KCTD10: variants seen among roughly 807,000 people sequenced by gnomAD.
KCTD10 encodes the protein BTB/POZ domain-containing adapter for CUL3-mediated RhoA degradation protein 3.
KCTD10 carries 13 observed loss-of-function variants against 34.6 expected under a neutral mutation model. That is an observed-to-expected ratio of 0.38 (90% CI 0.24 to 0.60). The LOEUF is 0.60. Ranked by LOEUF, KCTD10 falls within the 20% of genes least tolerant of loss-of-function variation. KCTD10 has a pLI of 0.66. For synonymous variants in KCTD10, 156 were observed against 168.8 expected (o/e 0.92, Z 0.59); for missense variants, 256 against 420.3 (o/e 0.61, Z 3.42).
intron 2 of KCTD10, among the ~76,000 whole-genome samples, chr12:109,463,143 C>G (rs1015305846): frequency 6.6e-6 from 1 of 152,148 alleles, no homozygotes. Flanking sequence ...TAGAATTCAA[C>G]TCAGCTGCGC....
Position 109,458,009 on chromosome 12 carries a change from T to C in KCTD10, c.457A>G (p.Ile153Val). The C allele has an allele frequency of 6.2e-7, 1 of 1,613,942 alleles. No homozygotes were observed. Among genetic ancestry groups the C allele is most frequent in the Non-Finnish European group, 8.5e-7 (1 of 1,179,752 alleles). The part of the protein sequence containing the change: ...ITSSKEEQKL[I>V]ATSNKPAVKL... Reference sequence around the variant, plus strand: ...CAACATACCTTATTTGAAGTCGCTATAAGTTTTTGTTCTTCCTTGGATGAG... The same window carrying C: ...CAACATACCTTATTTGAAGTCGCTACAAGTTTTTGTTCTTCCTTGGATGAG... Residue 153 changes from isoleucine to valine, a missense_variant, in exon 4 of 7, where the codon ATA becomes GTA. By Grantham distance (29) the Ile-to-Val change is conservative (BLOSUM62 3). Transcript: ENST00000228495.
At chr12:109,461,204 T>C (rs192116018) in intron 2 of KCTD10, among the ~76,000 whole-genome samples, 4 of 152,298 alleles carry the variant, frequency 2.6e-5, no homozygotes, top group Admixed American at 2.0e-4. Context: ...GTAAAAAATA[T>C]CTACTTCCTC....
At chr12:109,464,981 T>C (rs577730673) in intron 2 of KCTD10, 99 of 376,568 alleles carry the variant, frequency 2.6e-4, no homozygotes, top group Non-Finnish European at 4.4e-4. Flanking sequence ...CTTAAAGCCA[T>C]AGCCCTTGAG....
intron 6 of KCTD10, among the ~76,000 whole-genome samples, chr12:109,452,610 C>T (rs1872828211): frequency 1.3e-5 from 2 of 152,236 alleles, no homozygotes; most frequent in Admixed American, 6.5e-5. Context: ...GAATGGGATG[C>T]ACACAGCAGC....
rs888912395 is a variant in KCTD10 at position 109,470,439 on chromosome 12, C to G, written c.4-711G>C. ...CATCTCCCTGATAGCATGGCTGACTCTCTGTACATCTCAAAGAAATGGATA... is the reference window on the plus strand; with the variant it reads ...CATCTCCCTGATAGCATGGCTGACTGTCTGTACATCTCAAAGAAATGGATA... On this transcript the variant is annotated intron_variant, in intron 1 of 6. Coordinates refer to ENST00000228495, the MANE Select transcript of KCTD10 (RefSeq NM_031954.5). The G allele has an allele frequency of 3.0e-6, 3 of 985,400 alleles. No individual in the cohort carries two copies. The African/African-American group carries it at 5.2e-5, about 17-fold the overall frequency. The allele number at this position is 985,400 out of a possible 1,614,324, so 61.0% of individuals were successfully genotyped here. A position where few individuals can be genotyped will look rare whatever the true frequency, so the allele number is the denominator to read the frequency against.
chr12:109,455,928 G>A lies in KCTD10; in HGVS notation c.723+190C>T, dbSNP rs75634867. ...GAAGCCAGCAAGGTAGGGAGCTAAA[G>A]GAATGCCAGATGAACCCTACATTTG... On this transcript the variant is annotated intron_variant, in intron 6 of 6. Transcript: ENST00000228495. Among the ~76,000 whole-genome samples the A allele has an allele frequency of 5.9e-3, 902 of 152,254 alleles. 10 individuals carry two copies. Among genetic ancestry groups the A allele is most frequent in the Non-Finnish European group, 9.1e-3 (617 of 68,004 alleles).
At chr12:109,467,270 T>C (rs1397212820) in intron 2 of KCTD10, among the ~76,000 whole-genome samples, 2 of 152,216 alleles carry the variant, frequency 1.3e-5, no homozygotes, top group Non-Finnish European at 2.9e-5. Flanking sequence ...ACTCCTCACT[T>C]GGAATGGCAA....
chr12:109,473,782 CTT>C (rs34468971), intron 1 of KCTD10, among the ~76,000 whole-genome samples: 17 of 138,630 alleles, frequency 1.2e-4, no homozygotes, highest in Admixed American at 2.9e-4. Context: ...TGGAATCCTG[CTT>C]TTTTTTTTTT....
Position 109,457,899 on chromosome 12 carries a change from C to A in KCTD10, c.474+93G>T, listed in dbSNP as rs888761026. On this transcript the variant is annotated intron_variant, in intron 4 of 6. Transcript: ENST00000228495. ...AACCCATTATCAGGCCTCACTCAGGCAATTATACATGTTTTTATTTCAAAA... is the reference window on the plus strand; with the variant it reads ...AACCCATTATCAGGCCTCACTCAGGAAATTATACATGTTTTTATTTCAAAA... 4.3e-6 allele frequency: 5 copies of A among 1,172,600 alleles called. No individual in the cohort carries two copies. The African/African-American group carries it at 7.6e-5, about 18-fold the overall frequency. The allele number at this position is 1,172,600 out of a possible 1,614,324, so 72.6% of individuals were successfully genotyped here.
In KCTD10 at chr12:109,469,585, C is replaced by T. The variant is rs761124637; in HGVS notation, c.147G>A (p.Thr49=). 4.3e-6 allele frequency: 7 copies of T among 1,614,222 alleles called. No individual in the cohort carries two copies. Among genetic ancestry groups the T allele is most frequent in the Non-Finnish European group, 5.1e-6 (6 of 1,180,040 alleles). The change falls in exon 2 of 7, where the codon ACG becomes ACA. Residue 49 remains threonine, a synonymous_variant. Coordinates refer to ENST00000228495, the MANE Select transcript of KCTD10 (RefSeq NM_031954.5). The stretch of plus-strand genomic sequence containing the variant: ...TCAGCATGGTGTCCTGCTTGGTCAG[C>T]GTCTGCATGGTGGTATAGTAGAGGG... The part of the protein sequence containing the change: ...GGALYYTTMQ[T]LTKQDTMLKA...
rs1298747220 is a variant in KCTD10, at chr12:109,451,926, G to A, written c.724-113C>T. The A allele has an allele frequency of 1.4e-6, 1 of 735,238 alleles. No individual in the cohort carries two copies. Among genetic ancestry groups the A allele is most frequent in the African/African-American group, 1.8e-5 (1 of 55,234 alleles). 45.5% of individuals were successfully genotyped at this position (735,238 alleles called of 1,614,324 possible). A position where few individuals can be genotyped will look rare whatever the true frequency, so the allele number is the denominator to read the frequency against. On this transcript the variant is annotated intron_variant, in intron 6 of 6. Transcript: ENST00000228495. The surrounding 1 kb of genome is among the most constrained non-coding windows in gnomAD (Gnocchi z 5.0). ...TCAGGCCCCTGGGATTCTGCTGAAGGCCACCAGTATTATTTTTAAATAAAC... is the reference window on the plus strand; with the variant it reads ...TCAGGCCCCTGGGATTCTGCTGAAGACCACCAGTATTATTTTTAAATAAAC...
At chr12:109,463,505 C>T (rs1383976131) in intron 2 of KCTD10, among the ~76,000 whole-genome samples, 1 of 152,188 alleles carries the variant, frequency 6.6e-6, no homozygotes, top group Non-Finnish European at 1.5e-5. Flanking sequence ...AGCAGCTCCT[C>T]GCATGTGGGG....
At chr12:109,473,301 T>C (rs1283898509) in intron 1 of KCTD10, among the ~76,000 whole-genome samples, 1 of 152,074 alleles carries the variant, frequency 6.6e-6, no homozygotes, top group African/African-American at 2.4e-5. Flanking sequence ...AGGTAAAGTG[T>C]GGCTAAGGGT....
At position 109,460,562 on chromosome 12, in the gene KCTD10, CAG is replaced by C. The variant is rs1873263670; in HGVS notation, c.387+72_387+73del. 6.8e-7 allele frequency: 1 copy of C among 1,472,192 alleles called. No homozygotes were observed. Among genetic ancestry groups the C allele is most frequent in the African/African-American group, 1.4e-5 (1 of 71,418 alleles). 91.2% of individuals were successfully genotyped at this position (1,472,192 alleles called of 1,614,324 possible). ...TCAGACAGAAACTGCCCCCATTTTG[CAG>C]AGAGGGAAAATGAGGAAGGCAGGTA... On this transcript the variant is annotated intron_variant, in intron 3 of 6. Transcript: ENST00000228495. This position sits in a 1 kb window ranked among gnomAD's most constrained non-coding sequence, Gnocchi z 4.5.
chr12:109,465,877 T>C lies in KCTD10; in HGVS notation c.217+3638A>G, dbSNP rs1258482033. On this transcript the variant is annotated intron_variant, in intron 2 of 6. Coordinates refer to ENST00000228495, the MANE Select transcript of KCTD10 (RefSeq NM_031954.5). ...CAAAATGAATGACTCTTCAATCTAG[T>C]GTACGCACTAATTCCAAAATACATT... 5.3e-5 allele frequency among the ~76,000 whole-genome samples: 8 copies of C among 152,272 alleles called. No homozygotes were observed. The East Asian group carries it at 7.7e-4, about 15-fold the overall frequency.
chr12:109,472,339 T>C (rs939562131), intron 1 of KCTD10, among the ~76,000 whole-genome samples: 30 of 152,144 alleles, frequency 2.0e-4, no homozygotes, highest in African/African-American at 7.2e-4. Context: ...ACACACACAT[T>C]AGCCTAGCCT....
chr12:109,470,659 A>G (rs1389426140), intron 1 of KCTD10: 12 of 936,560 alleles, frequency 1.3e-5, no homozygotes, highest in Non-Finnish European at 1.5e-5. Context: ...AGTTTTTCAC[A>G]GCACATCACC....
intron 4 of KCTD10, 92 bp from the exon 5 acceptor site, chr12:109,457,774 G>T: frequency 1.5e-6 from 2 of 1,322,380 alleles, no homozygotes; most frequent in Non-Finnish European, 2.2e-6. Context: ...GCCCTGCCCT[G>T]CATCAGAAGA....
At position 109,456,191 on chromosome 12, in the gene KCTD10, TA is replaced by T; in HGVS notation, c.649del (p.Tyr217MetfsTer38). On this transcript the variant is annotated frameshift_variant, in exon 6 of 7. Transcript: ENST00000228495. LOFTEE classifies it high-confidence loss of function. ...IGDEICCWSF[Y>X]GQGRKIAEVC... The stretch of plus-strand genomic sequence containing the variant: ...TTCAGCAATCTTCCGGCCCTGACCA[TA>T]AAAGGACCAGCAGCAGATTTCATCC... 6.2e-7 allele frequency: 1 copy of T among 1,614,118 alleles called. No individual in the cohort carries two copies. The highest frequency in any genetic ancestry group is 8.5e-7 in the Non-Finnish European group (1 of 1,180,022).
Sources: gnomAD v4.1 joint callset for allele counts (sites outside exome capture counted in the v4.1 genomes callset) on GRCh38, gnomAD v4.1.1 for gene constraint, Gnocchi (gnomAD v3.1) non-coding constraint, MANE v1.5 for transcripts, NCBI Gene and HGNC (gene_info 2026-07-23, HGNC 2026-07-21) for gene names.